The following GPATCH2 variants were observed in gnomAD, a reference collection of about 807,000 sequenced individuals.
The protein encoded by GPATCH2 is G patch domain-containing protein 2.
GPATCH2 carries 51 observed loss-of-function variants against 58.0 expected under a neutral mutation model. That is an observed-to-expected ratio of 0.88 (90% confidence interval 0.70 to 1.11). GPATCH2 has a LOEUF of 1.11. Ranked by LOEUF, GPATCH2 falls within the 50% of genes most tolerant of loss-of-function variation. GPATCH2 has a pLI of 0.00. For synonymous variants in GPATCH2, 222 were observed against 218.5 expected (o/e 1.02, Z -0.14); for missense variants, 625 against 652.2 (o/e 0.96, Z 0.45).
chr1:217,486,055 A>G (rs1661438807), intron 8 of GPATCH2, among the ~76,000 whole-genome samples: 1 of 152,178 alleles, frequency 6.6e-6, no homozygotes, highest in East Asian at 1.9e-4. Flanking sequence ...TAGCTTATCC[A>G]TTTCTATAAA....
At chr1:217,577,465 A>C (rs937901847) in intron 5 of GPATCH2, among the ~76,000 whole-genome samples, 4 of 152,172 alleles carry the variant, frequency 2.6e-5, no homozygotes, top group Non-Finnish European at 5.9e-5. Context: ...ACTGAGATAG[A>C]GTATCCAAGT....
intron 6 of GPATCH2, among the ~76,000 whole-genome samples, chr1:217,507,795 G>A (rs1470937647): frequency 1.3e-4 from 20 of 152,056 alleles, no homozygotes; most frequent in Admixed American, 1.3e-3. Flanking sequence ...ACAATTAATA[G>A]AGGCTTAATA....
chr1:217,467,499 C>G (rs1660517963), intron 8 of GPATCH2, among the ~76,000 whole-genome samples: 1 of 151,984 alleles, frequency 6.6e-6, no homozygotes, highest in South Asian at 2.1e-4. Context: ...GATTATTTTA[C>G]TGGTAGTGAT....
chr1:217,605,238 G>A (rs534844793), intron 5 of GPATCH2, among the ~76,000 whole-genome samples: 1 of 152,176 alleles, frequency 6.6e-6, no homozygotes, highest in South Asian at 2.1e-4. Flanking sequence ...TTCTCCTATA[G>A]AATGAATTGA....
At chr1:217,541,284 G>A (rs1002342844) in intron 5 of GPATCH2, among the ~76,000 whole-genome samples, 1 of 152,126 alleles carries the variant, frequency 6.6e-6, no homozygotes. Context: ...CTCTAATAAA[G>A]CCTTCATAAA....
At chr1:217,608,558 C>T in intron 5 of GPATCH2, 3 of 985,146 alleles carry the variant, frequency 3.0e-6, no homozygotes, top group Non-Finnish European at 3.6e-6. Context: ...AAATGGGCTA[C>T]AAATCCCAGC....
At chr1:217,619,063 C>T (rs909169949) in intron 2 of GPATCH2, among the ~76,000 whole-genome samples, 1 of 151,924 alleles carries the variant, frequency 6.6e-6, no homozygotes, top group African/African-American at 2.4e-5. Context: ...GTTCAGCATT[C>T]GGTTTTGCGG....
At chr1:217,545,138 C>T (rs996703778) in intron 5 of GPATCH2, among the ~76,000 whole-genome samples, 6 of 152,202 alleles carry the variant, frequency 3.9e-5, no homozygotes, top group Non-Finnish European at 7.3e-5. Context: ...CTTGAAAGCC[C>T]AACTTCCTGG....
chr1:217,548,598 G>C (rs934285592), intron 5 of GPATCH2, among the ~76,000 whole-genome samples: 5 of 152,118 alleles, frequency 3.3e-5, no homozygotes, highest in African/African-American at 1.2e-4. Flanking sequence ...CCAAAACTGG[G>C]TGATATGGTT....
At chr1:217,605,299 T>G (rs1414079939) in intron 5 of GPATCH2, among the ~76,000 whole-genome samples, 1 of 152,222 alleles carries the variant, frequency 6.6e-6, no homozygotes, top group Non-Finnish European at 1.5e-5. Flanking sequence ...TTTTGTATAG[T>G]GAATGCAAAC....
chr1:217,478,276 C>G (rs1342383673), intron 8 of GPATCH2, among the ~76,000 whole-genome samples: 1 of 152,086 alleles, frequency 6.6e-6, no homozygotes, highest in Non-Finnish European at 1.5e-5. Context: ...CAAGACCATC[C>G]AGGAAAACAT....
intron 8 of GPATCH2, among the ~76,000 whole-genome samples, chr1:217,458,158 A>G (rs1236577824): frequency 6.6e-6 from 1 of 152,164 alleles, no homozygotes; most frequent in Non-Finnish European, 1.5e-5. Flanking sequence ...TGAACCCGGG[A>G]GGCGGAGCTT....
chr1:217,496,423 T>C (rs902220173), intron 7 of GPATCH2, among the ~76,000 whole-genome samples: 1 of 152,146 alleles, frequency 6.6e-6, no homozygotes, highest in African/African-American at 2.4e-5. Context: ...TTGCAGTCTG[T>C]TTAATGCTAT....
At chr1:217,494,319 G>C (rs183279278) in intron 7 of GPATCH2, among the ~76,000 whole-genome samples, 100 of 152,312 alleles carry the variant, frequency 6.6e-4, no homozygotes, top group Non-Finnish European at 3.5e-4. Flanking sequence ...TCAAAAGGAA[G>C]CTCAGATAAA....
At chr1:217,589,044 A>C (rs1667471339) in intron 5 of GPATCH2, among the ~76,000 whole-genome samples, 1 of 152,198 alleles carries the variant, frequency 6.6e-6, no homozygotes, top group Admixed American at 6.5e-5. Flanking sequence ...CCATGACAGC[A>C]GAAAGAGGTG....
chr1:217,440,692 T>A (rs999138681), intron 9 of GPATCH2, among the ~76,000 whole-genome samples: 6 of 152,104 alleles, frequency 3.9e-5, no homozygotes, highest in Non-Finnish European at 7.4e-5. Flanking sequence ...TGTGCAAAAA[T>A]CACAAGCATT....
intron 5 of GPATCH2, among the ~76,000 whole-genome samples, chr1:217,541,925 T>C (rs1379435440): frequency 1.3e-5 from 2 of 152,196 alleles, no homozygotes; most frequent in Non-Finnish European, 2.9e-5. Flanking sequence ...ACATTTTAGG[T>C]ATTCCATCTG....
intron 5 of GPATCH2, among the ~76,000 whole-genome samples, chr1:217,591,401 A>C (rs1257954628): frequency 6.6e-6 from 1 of 152,098 alleles, no homozygotes; most frequent in African/African-American, 2.4e-5. Context: ...CTAAAAGCCT[A>C]GTTAAAAGCA....
intron 1 of GPATCH2, among the ~76,000 whole-genome samples, chr1:217,624,593 C>T (rs1669357815): frequency 6.6e-6 from 1 of 152,196 alleles, no homozygotes; most frequent in Non-Finnish European, 1.5e-5. Context: ...TTTGCCTTGG[C>T]AGTTTACACT....
Sources: gnomAD v4.1 joint callset for allele counts (sites outside exome capture counted in the v4.1 genomes callset) on GRCh38, gnomAD v4.1.1 for gene constraint, MANE v1.5 for transcripts, NCBI Gene and HGNC (gene_info 2026-07-23, HGNC 2026-07-21) for gene names.